Variants in CHCHD6 observed in about 807,000 individuals in gnomAD.
CHCHD6 encodes the protein coiled-coil-helix-coiled-coil-helix domain containing 6.
Under a neutral mutation model 32.3 loss-of-function variants are expected in CHCHD6, and 28 were observed. That is an observed-to-expected ratio of 0.87 (90% confidence interval 0.64 to 1.19). The LOEUF is 1.19. CHCHD6 is among the 50% of genes most tolerant of loss of function. The probability of loss-of-function intolerance (pLI) is 0.00; values close to 1 mark genes in which losing one functional copy is unlikely to be tolerated. For synonymous variants in CHCHD6, 122 were observed against 117.5 expected (o/e 1.04, Z -0.25); for missense variants, 333 against 307.0 (o/e 1.08, Z -0.63).
At chr3:126,865,140 A>ACCT (rs1942237639) in intron 5 of CHCHD6, among the ~76,000 whole-genome samples, 4 of 47,796 alleles carry the variant, frequency 8.4e-5, no homozygotes, top group African/African-American at 1.4e-4. Flanking sequence ...CTCCTCCACC[A>ACCT]CCACCTCCTT....
At chr3:126,767,431 T>C in intron 4 of CHCHD6, 1 of 715,278 alleles carries the variant, frequency 1.4e-6, no homozygotes, top group Non-Finnish European at 2.6e-6. Flanking sequence ...TGTCACCATG[T>C]CCCAGCTGCC....
chr3:126,863,455 A>T (rs1221447086), intron 5 of CHCHD6, among the ~76,000 whole-genome samples: 77 of 125,330 alleles, frequency 6.1e-4, no homozygotes, highest in African/African-American at 2.2e-3. Context: ...CTCCTCCCCC[A>T]CTGTCACCAC....
chr3:126,728,712 A>G (rs576588543), intron 2 of CHCHD6, among the ~76,000 whole-genome samples: 101 of 152,376 alleles, frequency 6.6e-4, no homozygotes, highest in African/African-American at 2.2e-3. Context: ...GCCATAATAT[A>G]TAATACTACA....
At chr3:126,941,477 T>C (rs2078558114) in intron 6 of CHCHD6, among the ~76,000 whole-genome samples, 1 of 152,232 alleles carries the variant, frequency 6.6e-6, no homozygotes, top group African/African-American at 2.4e-5. Context: ...ATCTTCTCTT[T>C]TGAGGTTGAA....
At chr3:126,861,510 T>TGCCACC (rs1424890161) in intron 5 of CHCHD6, among the ~76,000 whole-genome samples, 3 of 151,542 alleles carry the variant, frequency 2.0e-5, no homozygotes, top group Non-Finnish European at 3.0e-5. Context: ...CCCCTGCCAC[T>TGCCACC]GCCACCGCCA....
intron 4 of CHCHD6, among the ~76,000 whole-genome samples, chr3:126,809,022 A>T (rs1576443523): frequency 6.6e-6 from 1 of 150,996 alleles, no homozygotes; most frequent in African/African-American, 2.4e-5. Flanking sequence ...CCTAGGCTGG[A>T]GTGCAGTGGC....
intron 5 of CHCHD6, among the ~76,000 whole-genome samples, chr3:126,861,889 A>C (rs1053410192): frequency 3.7e-5 from 2 of 54,126 alleles, no homozygotes; most frequent in African/African-American, 7.5e-5. Flanking sequence ...CACCATCACC[A>C]CCTCCCCCTC....
chr3:126,781,935 G>GGA (rs1207385524), intron 4 of CHCHD6, among the ~76,000 whole-genome samples: 1 of 152,160 alleles, frequency 6.6e-6, no homozygotes, highest in Non-Finnish European at 1.5e-5. Context: ...CTTGGAGGGT[G>GGA]GAGATTAGGG....
intron 4 of CHCHD6, among the ~76,000 whole-genome samples, chr3:126,819,361 C>T (rs1174396297): frequency 2.0e-5 from 3 of 152,176 alleles, no homozygotes; most frequent in African/African-American, 7.2e-5. Flanking sequence ...TATCAGAGTG[C>T]CTTGCCAGCC....
At chr3:126,831,555 T>C (rs1940643030) in intron 4 of CHCHD6, among the ~76,000 whole-genome samples, 1 of 152,200 alleles carries the variant, frequency 6.6e-6, no homozygotes, top group Admixed American at 6.5e-5. Flanking sequence ...CAGAACACGC[T>C]TAAATTAACA....
chr3:126,919,469 A>G (rs1453109613), intron 6 of CHCHD6, among the ~76,000 whole-genome samples: 4 of 151,728 alleles, frequency 2.6e-5, no homozygotes, highest in Admixed American at 2.6e-4. Context: ...GTGCACCACC[A>G]CATTCGGCTA....
At chr3:126,762,219 C>T (rs539113146) in intron 4 of CHCHD6, among the ~76,000 whole-genome samples, 26 of 152,108 alleles carry the variant, frequency 1.7e-4, no homozygotes, top group South Asian at 8.3e-4. Flanking sequence ...TTTTCTAGTT[C>T]TTTAAGTTAT....
intron 6 of CHCHD6, among the ~76,000 whole-genome samples, chr3:126,923,993 C>T (rs1319275238): frequency 6.6e-6 from 1 of 152,212 alleles, no homozygotes; most frequent in African/African-American, 2.4e-5. Context: ...CACCTGTGTG[C>T]ATCAGCAGCC....
At chr3:126,859,779 G>A (rs563398642) in intron 5 of CHCHD6, among the ~76,000 whole-genome samples, 4 of 152,318 alleles carry the variant, frequency 2.6e-5, no homozygotes, top group South Asian at 2.1e-4. Context: ...GCCTCCCACC[G>A]CCTCCCGCAT....
chr3:126,746,236 A>G (rs908664258), intron 4 of CHCHD6, among the ~76,000 whole-genome samples: 2 of 152,170 alleles, frequency 1.3e-5, no homozygotes, highest in African/African-American at 4.8e-5. Flanking sequence ...GCTTGTGCCC[A>G]CAGGGAAGGG....
chr3:126,836,318 C>G (rs2107544494), intron 4 of CHCHD6, among the ~76,000 whole-genome samples: 1 of 152,294 alleles, frequency 6.6e-6, no homozygotes, highest in East Asian at 1.9e-4. Flanking sequence ...GTTTTTTCAG[C>G]AGGGAATGAA....
intron 5 of CHCHD6, among the ~76,000 whole-genome samples, chr3:126,865,118 T>TACC (rs1942232996): frequency 1.2e-5 from 1 of 81,846 alleles, no homozygotes; most frequent in African/African-American, 5.6e-5. Context: ...CCTCCACTTC[T>TACC]TCCTCCTCCT....
At position 126,902,480 on chromosome 3, in the gene CHCHD6, GC is replaced by G. The variant is rs534880224; in HGVS notation, c.496-12198del. 2.2e-4 allele frequency among the ~76,000 whole-genome samples: 34 copies of G among 152,258 alleles called. No homozygotes were observed. The East Asian group carries it at 6.2e-3, about 28-fold the overall frequency. ...GCCTATAATCCCAGCACTTTGGGAG[GC>G]CGAGGCGGGCAGATCATGAGGTCAG... is the stretch of plus-strand genomic sequence containing the variant. On this transcript the variant is annotated intron_variant, in intron 5 of 7. Coordinates refer to ENST00000290913, the MANE Select transcript of CHCHD6 (RefSeq NM_032343.3).
At chr3:126,879,948 T>C (rs936373332) in intron 5 of CHCHD6, among the ~76,000 whole-genome samples, 4 of 152,172 alleles carry the variant, frequency 2.6e-5, no homozygotes, top group Non-Finnish European at 1.5e-5. Context: ...ATTTTGTTGG[T>C]TTGAAAATTT....
Sources: gnomAD v4.1 joint callset for allele counts (sites outside exome capture counted in the v4.1 genomes callset) on GRCh38, gnomAD v4.1.1 for gene constraint, MANE v1.5 for transcripts, NCBI Gene and HGNC (gene_info 2026-07-23, HGNC 2026-07-21) for gene names.